Variants in CABLES2 observed in about 807,000 individuals in gnomAD.
The protein encoded by CABLES2 is Cdk5 and Abl enzyme substrate 2, also known as CDK5 and ABL1 enzyme substrate 2.
In CABLES2, 35 loss-of-function variants were observed where a neutral mutation model predicts 44.8. The ratio of observed to expected loss-of-function variants is 0.78; its 90% CI spans 0.60 to 1.04. The LOEUF is 1.04. Among genes scored for constraint, CABLES2 ranks in the 50% least tolerant of loss-of-function variants. The pLI is 0.00. For missense variants in CABLES2, 566 were observed against 615.7 expected, an observed-to-expected ratio of 0.92 and a Z score of 0.85; for synonymous variants, 282 against 281.1, an observed-to-expected ratio of 1.00 and a Z score of -0.03.
chr20:62,398,249 A>G (rs1043213459), intron 1 of CABLES2, among the ~76,000 whole-genome samples: 144 of 59,656 alleles, frequency 2.4e-3, no homozygotes, highest in African/African-American at 7.5e-3. Context: ...GATGATGGTG[A>G]TGGTGGTGGT....
At position 62,391,665 on chromosome 20, in the gene CABLES2, C is replaced by A. The variant is rs1842343057; in HGVS notation, c.1092-212G>T. 6.6e-6 allele frequency among the ~76,000 whole-genome samples: 1 copy of A among 152,010 alleles called. No homozygotes were observed. Among genetic ancestry groups the A allele is most frequent in the African/African-American group, 2.4e-5 (1 of 41,390 alleles). ...GGACCGGCAGGCTGGGTTTTGGCTT[C>A]CCCCGTCCCGTGGGTGGGCACCCAT... On this transcript the variant is annotated intron_variant, in intron 8 of 9. Transcript: ENST00000279101. The surrounding 1 kb of genome is among the most constrained non-coding windows in gnomAD (Gnocchi z 5.7).
At position 62,396,335 on chromosome 20, in the gene CABLES2, C is replaced by T. The variant is rs1569016374; in HGVS notation, c.507G>A (p.Gln169=). The part of the protein sequence containing the change: ...KKTHFIKNMR[Q]YDTRNSRIVL... ...CATACCTGCTGTTCCTGGTGTCGTACTGCCTCATGTTCTTGATGAAGTGGG... is the reference window on the plus strand; with the variant it reads ...CATACCTGCTGTTCCTGGTGTCGTATTGCCTCATGTTCTTGATGAAGTGGG... Residue 169 remains glutamine, a synonymous_variant, in exon 3 of 10, where the codon CAG becomes CAA. Coordinates refer to ENST00000279101, the MANE Select transcript of CABLES2 (RefSeq NM_031215.3). This position sits in a 1 kb window ranked among gnomAD's most constrained non-coding sequence, Gnocchi z 5.7. 1 of 1,613,934 alleles carries T rather than the reference C, an allele frequency of 6.2e-7. No homozygotes were observed. The highest frequency in any genetic ancestry group is 8.5e-7 in the Non-Finnish European group (1 of 1,179,942).
rs1221587862 is a variant in CABLES2, at chr20:62,389,177, G to A, written c.*1794C>T. On this transcript the variant is annotated 3_prime_UTR_variant, in exon 10 of 10. Transcript: ENST00000279101. Reference sequence around the variant, plus strand: ...GGGCGAGCTCTTGAGATGGGATCTGGGTGGCAGGAGAGGTTGCTTTTCAGA... The same window carrying A: ...GGGCGAGCTCTTGAGATGGGATCTGAGTGGCAGGAGAGGTTGCTTTTCAGA... The A allele has an allele frequency of 6.6e-6, 1 of 152,618 alleles. No individual in the cohort carries two copies. Among genetic ancestry groups the A allele is most frequent in the Non-Finnish European group, 1.5e-5 (1 of 68,346 alleles). 9.5% of individuals were successfully genotyped at this position (152,618 alleles called of 1,614,324 possible).
Position 62,401,762 on chromosome 20 carries a change from C to G in CABLES2, c.362+5153G>C, listed in dbSNP as rs574340726. 2.6e-5 allele frequency among the ~76,000 whole-genome samples: 4 copies of G among 152,292 alleles called. No individual in the cohort carries two copies. In the South Asian group the frequency reaches 8.3e-4, roughly 32 times the overall value. ...GTGGGGGAGGGGCTGAGGAGGGGCACCAGGGAGCTGGGGGATTGGCCTGTG... is the reference window on the plus strand; with the variant it reads ...GTGGGGGAGGGGCTGAGGAGGGGCAGCAGGGAGCTGGGGGATTGGCCTGTG... On this transcript the variant is annotated intron_variant, in intron 1 of 9. Coordinates refer to ENST00000279101, the MANE Select transcript of CABLES2 (RefSeq NM_031215.3).
At chr20:62,399,364 A>C (rs1410157336) in intron 1 of CABLES2, among the ~76,000 whole-genome samples, 1 of 152,090 alleles carries the variant, frequency 6.6e-6, no homozygotes, top group Admixed American at 6.6e-5. Context: ...TTCCTGCCTC[A>C]GCCTCCTGAG....
In CABLES2 at chr20:62,396,275, A is replaced by C; in HGVS notation, c.527+40T>G. The C allele has an allele frequency of 6.4e-7, 1 of 1,560,136 alleles. No individual in the cohort carries two copies. On this transcript the variant is annotated intron_variant, in intron 3 of 9. Coordinates refer to ENST00000279101, the MANE Select transcript of CABLES2 (RefSeq NM_031215.3). This position sits in a 1 kb window ranked among gnomAD's most constrained non-coding sequence, Gnocchi z 5.7. ...GGGGCAGGACCCCGTGGGCTTATGG[A>C]GACCACAGCCCTGGCCCGGTTCCCG...
chr20:62,399,252 A>AT (rs34435670), intron 1 of CABLES2, among the ~76,000 whole-genome samples: 5 of 109,452 alleles, frequency 4.6e-5, no homozygotes, highest in South Asian at 2.8e-4. Flanking sequence ...ATTTTATTTT[A>AT]TTTATTTTTT....
At chr20:62,393,100 G>A (rs528969654) in intron 6 of CABLES2, 77 bp from the exon 7 acceptor site, 4 of 1,342,770 alleles carry the variant, frequency 3.0e-6, no homozygotes, top group East Asian at 2.4e-5. Flanking sequence ...GCAGGCCAGC[G>A]CCATGGCGGG....
At position 62,391,220 on chromosome 20, in the gene CABLES2, C is replaced by T; in HGVS notation, c.1296+29G>A. 1 of 1,603,232 alleles carries T rather than the reference C, an allele frequency of 6.2e-7. No homozygotes were observed. On this transcript the variant is annotated intron_variant, in intron 9 of 9. Coordinates refer to ENST00000279101, the MANE Select transcript of CABLES2 (RefSeq NM_031215.3). This position sits in a 1 kb window ranked among gnomAD's most constrained non-coding sequence, Gnocchi z 5.7. Reference sequence around the variant, plus strand: ...CCCTGGCTCGATGTCATGACCCTGCCTGCAGTGCCTGCCGAGCCGGGCACT... The same window carrying T: ...CCCTGGCTCGATGTCATGACCCTGCTTGCAGTGCCTGCCGAGCCGGGCACT...
chr20:62,392,145 G>C (rs1056938141), intron 8 of CABLES2, among the ~76,000 whole-genome samples: 1 of 151,746 alleles, frequency 6.6e-6, no homozygotes, highest in African/African-American at 2.4e-5. Context: ...CTGCTGCGAG[G>C]GTCTGGCTGT....
rs184674000 is a variant in CABLES2, at chr20:62,392,623, C to T, written c.985-128G>A. On this transcript the variant is annotated intron_variant, in intron 7 of 9. Transcript: ENST00000279101. ...GCATACGGTGTGGCTTGAGAGGCCC[C>T]GAATCTCTGAGAACAAAATGGCTCA... 1.9e-3 allele frequency: 1,419 copies of T among 728,370 alleles called. 24 individuals are homozygous for T. The highest frequency in any genetic ancestry group is 0.015 in the South Asian group (914 of 60,830). 45.1% of individuals were successfully genotyped at this position (728,370 alleles called of 1,614,324 possible). A position where few individuals can be genotyped will look rare whatever the true frequency, so the allele number is the denominator to read the frequency against.
In CABLES2 at chr20:62,398,193, A is replaced by ATGG. The variant is rs1569017836; in HGVS notation, c.363-1602_363-1601insCCA. Among the ~76,000 whole-genome samples, 124 of 30,066 alleles carry ATGG rather than the reference A, an allele frequency of 4.1e-3. 1 individual carries two copies. The highest frequency in any genetic ancestry group is 1.8e-3 in the Non-Finnish European group (31 of 17,416). 19.7% of individuals were successfully genotyped at this position (30,066 alleles called of 152,430 possible). A position where few individuals can be genotyped will look rare whatever the true frequency, so the allele number is the denominator to read the frequency against. ...GGTAATGGTGGTGGTGGTGATGGTG[A>ATGG]TGATGGTGGTGATGGTGATGTGATG... On this transcript the variant is annotated intron_variant, in intron 1 of 9. Coordinates refer to ENST00000279101, the MANE Select transcript of CABLES2 (RefSeq NM_031215.3).
chr20:62,391,424 TC>T lies in CABLES2; in HGVS notation c.1120del (p.Glu374ArgfsTer8), dbSNP rs778611014. ...CGTCACGGGCTCCAGGCTGCACTCC[TC>T]CGACAGGCTCCGCATCTCCCGCTTT... ...SLKREMRSLS[E>X]ECSLEPVTVA... On this transcript the variant is annotated frameshift_variant, in exon 9 of 10. Transcript: ENST00000279101. LOFTEE classifies it high-confidence loss of function. The surrounding 1 kb of genome is among the most constrained non-coding windows in gnomAD (Gnocchi z 5.7). 4 of 1,613,054 alleles carry T rather than the reference TC, an allele frequency of 2.5e-6. No individual in the cohort carries two copies. The African/African-American group carries it at 5.3e-5, about 22-fold the overall frequency.
At chr20:62,398,067 G>GTGATGGTTA (rs1569017456) in intron 1 of CABLES2, among the ~76,000 whole-genome samples, 44 of 61,238 alleles carry the variant, frequency 7.2e-4, no homozygotes, top group Middle Eastern at 8.2e-3. Flanking sequence ...GATGGTGGTG[G>GTGATGGTTA]TGACGGTGGT....
intron 1 of CABLES2, among the ~76,000 whole-genome samples, chr20:62,397,619 C>G (rs1988042972): frequency 6.6e-6 from 1 of 152,208 alleles, no homozygotes; most frequent in South Asian, 2.1e-4. Flanking sequence ...ACTCCAAGTG[C>G]AGAGCTGGGT....
At chr20:62,398,271 C>T (rs1276238643) in intron 1 of CABLES2, among the ~76,000 whole-genome samples, 29 of 95,252 alleles carry the variant, frequency 3.0e-4, no homozygotes, top group South Asian at 1.3e-3. Context: ...ATGGTGATGG[C>T]GGTGGTGGTG....
chr20:62,406,786 C>T, intron 1 of CABLES2, 129 bp downstream of exon 1: 1 of 444,680 alleles, frequency 2.2e-6, no homozygotes, highest in Non-Finnish European at 3.3e-6. Context: ...GGCCCCAGGT[C>T]ACCTGACCCC....
In CABLES2 at chr20:62,390,935, G is replaced by A; in HGVS notation, c.*36C>T. 1 of 1,608,042 alleles carries A rather than the reference G, an allele frequency of 6.2e-7. No homozygotes were observed. The stretch of plus-strand genomic sequence containing the variant: ...TGGGACACCTCCCAGGCCGGCAAGT[G>A]CACCTCGGTGCCCTGAGCCTTCTGT... On this transcript the variant is annotated 3_prime_UTR_variant, in exon 10 of 10. Transcript: ENST00000279101.
chr20:62,393,058 C>A, intron 6 of CABLES2, 35 bp from the exon 7 acceptor site: 1 of 1,570,270 alleles, frequency 6.4e-7, no homozygotes, highest in East Asian at 2.2e-5. Context: ...CACCAGGAGT[C>A]TTGAGCAGTA....
Sources: allele counts gnomAD v4.1 joint callset (sites outside exome capture counted in the v4.1 genomes callset), GRCh38; gene constraint gnomAD v4.1.1; non-coding constraint Gnocchi (gnomAD v3.1); transcripts MANE v1.5; gene names NCBI Gene and HGNC (gene_info 2026-07-23, HGNC 2026-07-21).